Variants in CRB1 observed in about 807,000 individuals in gnomAD.
The protein encoded by CRB1 is protein crumbs homolog 1.
In CRB1, 83 loss-of-function variants were observed where a neutral mutation model predicts 120.0. The observed-to-expected ratio is 0.69, with a 90% CI of 0.58 to 0.83. CRB1 has a LOEUF of 0.83. Ranked by LOEUF, CRB1 falls within the 40% of genes least tolerant of loss-of-function variation. The probability of loss-of-function intolerance (pLI) is 0.00; values close to 1 mark genes in which losing one functional copy is unlikely to be tolerated. For missense variants in CRB1, 1,699 were observed against 1,687.6 expected, an observed-to-expected ratio of 1.01 and a Z score of -0.12; for synonymous variants, 625 against 612.5, an observed-to-expected ratio of 1.02 and a Z score of -0.30.
chr1:197,435,988 T>C (rs1232998710), intron 9 of CRB1, among the ~76,000 whole-genome samples: 1 of 152,108 alleles, frequency 6.6e-6, no homozygotes, highest in African/African-American at 2.4e-5. Flanking sequence ...ATTGCTAAAA[T>C]AATGCCTTGA....
At chr1:197,382,321 G>A (rs566196286) in intron 5 of CRB1, among the ~76,000 whole-genome samples, 4 of 152,114 alleles carry the variant, frequency 2.6e-5, no homozygotes, top group Non-Finnish European at 5.9e-5. Context: ...GGTACTTAGG[G>A]CTCATGACTG....
At chr1:197,307,813 A>G (rs1657259813) in intron 1 of CRB1, among the ~76,000 whole-genome samples, 1 of 152,140 alleles carries the variant, frequency 6.6e-6, no homozygotes, top group African/African-American at 2.4e-5. Context: ...TTAACTATAT[A>G]ACTTGGAAAC....
intron 1 of CRB1, among the ~76,000 whole-genome samples, chr1:197,311,741 GTGTGTT>G (rs1301670390): frequency 7.2e-6 from 1 of 138,276 alleles, no homozygotes; most frequent in Non-Finnish European, 1.6e-5. Context: ...GTGTGTGTGT[GTGTGTT>G]GAGAAGATTT....
At chr1:197,381,851 A>G (rs570105283) in intron 5 of CRB1, among the ~76,000 whole-genome samples, 56 of 152,348 alleles carry the variant, frequency 3.7e-4, no homozygotes, top group African/African-American at 1.3e-3. Context: ...GACTTCCTTA[A>G]AAATGTAAGT....
At chr1:197,234,692 G>C in the CRB1 span, among the ~76,000 whole-genome samples, 2 of 152,202 alleles carry the variant, frequency 1.3e-5, no homozygotes, top group East Asian at 3.9e-4. Flanking sequence ...TAGTATAATG[G>C]TTCCAAAGAT....
At chr1:197,310,603 C>A (rs1450916362) in intron 1 of CRB1, among the ~76,000 whole-genome samples, 1 of 152,080 alleles carries the variant, frequency 6.6e-6, no homozygotes, top group East Asian at 1.9e-4. Flanking sequence ...TATCAAAAAA[C>A]TTCCAGATCA....
intron 4 of CRB1, among the ~76,000 whole-genome samples, chr1:197,349,236 C>T (rs937637693): frequency 2.6e-5 from 4 of 152,168 alleles, no homozygotes; most frequent in African/African-American, 7.2e-5. Flanking sequence ...ATAGACTATA[C>T]CCTATAGCCT....
chr1:197,296,614 A>G (rs1004787092), intron 1 of CRB1, among the ~76,000 whole-genome samples: 3 of 152,216 alleles, frequency 2.0e-5, no homozygotes, highest in Non-Finnish European at 2.9e-5. Flanking sequence ...CCAGGCTTTT[A>G]GGAACTGATC....
chr1:197,255,989 A>ATATATATATC, the CRB1 span, among the ~76,000 whole-genome samples: 2 of 135,418 alleles, frequency 1.5e-5, no homozygotes, highest in East Asian at 5.2e-4. Context: ...ATATATATAT[A>ATATATATATC]TATATATACA....
chr1:197,349,064 G>C (rs73071633), intron 4 of CRB1, among the ~76,000 whole-genome samples: 5,493 of 152,164 alleles, frequency 0.036, 328 homozygotes, highest in African/African-American at 0.12. Context: ...ATTCATGTTA[G>C]TACCCTACAC....
At chr1:197,292,898 T>C (rs1018171863) in intron 1 of CRB1, among the ~76,000 whole-genome samples, 1 of 152,106 alleles carries the variant, frequency 6.6e-6, no homozygotes, top group East Asian at 1.9e-4. Context: ...AACTAGGTAT[T>C]GATGGGACAT....
chr1:197,427,570 T>A lies in CRB1; in HGVS notation c.2245T>A (p.Ser749Thr). ...CATGTTTGTCCGAACGCTTCAACCA[T>A]CAGGCTTACTTCTAGCTTTGGAAAA... ...LSMFVRTLQP[S>T]GLLLALENST... is the part of the protein sequence containing the mutation. Residue 749 changes from serine to threonine, a missense_variant, in exon 7 of 12, where the codon TCA becomes ACA. Physicochemically the swap from Ser to Thr is moderately conservative, Grantham distance 58 (BLOSUM62 1). Transcript: ENST00000367400. 6.2e-7 allele frequency: 1 copy of A among 1,614,002 alleles called. No homozygotes were observed.
the CRB1 span, among the ~76,000 whole-genome samples, chr1:197,259,979 T>G: frequency 1.4e-5 from 2 of 146,244 alleles, no homozygotes; most frequent in South Asian, 4.3e-4. Flanking sequence ...TGAGGCCCCA[T>G]GTCTAAAAAA....
Position 197,388,271 on chromosome 1 carries a change from C to A in CRB1, c.1171+31258C>A, listed in dbSNP as rs370482929. ...AAGTTTCTTAGGATCAAATAAATGG[C>A]AAAAGCACATTTTAAAGGAGATAAT... On this transcript the variant is annotated intron_variant, in intron 5 of 11. Transcript: ENST00000367400. Among the ~76,000 whole-genome samples the A allele has an allele frequency of 3.3e-5, 5 of 151,952 alleles. No individual in the cohort carries two copies. The East Asian group carries it at 7.7e-4, about 23-fold the overall frequency.
upstream of CRB1, among the ~76,000 whole-genome samples, chr1:197,265,361 C>G (rs1401613719): frequency 6.6e-6 from 1 of 150,994 alleles, no homozygotes; most frequent in Non-Finnish European, 1.5e-5. Flanking sequence ...GTCCTTTCTT[C>G]CTTCCTTTTG....
intron 5 of CRB1, among the ~76,000 whole-genome samples, chr1:197,398,904 G>A (rs1662915610): frequency 6.6e-6 from 1 of 150,748 alleles, no homozygotes; most frequent in South Asian, 2.1e-4. Flanking sequence ...GTGTGTGTGT[G>A]TGTGTGTGTG....
At chr1:197,388,880 T>A (rs1019616598) in intron 5 of CRB1, among the ~76,000 whole-genome samples, 12 of 152,126 alleles carry the variant, frequency 7.9e-5, no homozygotes, top group African/African-American at 2.9e-4. Context: ...AACCTGATTT[T>A]AAAATAGGCA....
rs749366098 is a variant in CRB1 at position 197,429,485 on chromosome 1, C to T, written c.2713C>T (p.Arg905Trp). ...TCACAATGGAGGTGTTTGCCATTCC[C>T]GGTGGGATGACTTCTCCTGTTCCTG... is the stretch of plus-strand genomic sequence containing the variant. ...PCHNGGVCHSRWDDFSCSCPA... is the reference protein window; with the variant it reads ...PCHNGGVCHSWWDDFSCSCPA... Residue 905 changes from arginine (R) to tryptophan (W), a missense_variant, in exon 8 of 12, where the codon CGG becomes TGG. Physicochemically the swap from Arg to Trp is moderately radical, Grantham distance 101. Coordinates refer to ENST00000367400, the MANE Select transcript of CRB1 (RefSeq NM_201253.3). 2.9e-5 allele frequency: 46 copies of T among 1,613,830 alleles called. No individual in the cohort carries two copies. The highest frequency in any genetic ancestry group is 3.6e-5 in the Non-Finnish European group (43 of 1,179,946).
chr1:197,472,642 C>G (rs1331899791), intron 11 of CRB1, among the ~76,000 whole-genome samples: 1 of 152,172 alleles, frequency 6.6e-6, no homozygotes, highest in East Asian at 1.9e-4. Flanking sequence ...CAGAATTTGT[C>G]TCATTTCTCT....
Sources: allele counts gnomAD v4.1 joint callset (sites outside exome capture counted in the v4.1 genomes callset), GRCh38; gene constraint gnomAD v4.1.1; transcripts MANE v1.5; gene names NCBI Gene and HGNC (gene_info 2026-07-23, HGNC 2026-07-21).